CLUL1: variants seen among roughly 807,000 people sequenced by gnomAD.
CLUL1 encodes the protein clusterin-like protein 1.
Under a neutral mutation model 49.4 loss-of-function variants are expected in CLUL1, and 43 were observed. The ratio of observed to expected loss-of-function variants is 0.87; its 90% CI spans 0.68 to 1.12. The LOEUF (loss-of-function observed/expected upper bound fraction) is 1.12, where lower values mean the gene tolerates loss of function less well. CLUL1 is among the 50% of genes most tolerant of loss of function. CLUL1 has a pLI of 0.00. For missense variants in CLUL1, 486 were observed against 544.4 expected (o/e 0.89, Z 1.07); for synonymous variants, 192 against 184.9 (o/e 1.04, Z -0.31).
intron 1 of CLUL1, among the ~76,000 whole-genome samples, chr18:603,912 ACT>A (rs2072899198): frequency 6.6e-6 from 1 of 151,974 alleles, no homozygotes; most frequent in South Asian, 2.1e-4. Flanking sequence ...ACAGGATCTC[ACT>A]CTGTCACCCA....
chr18:645,711 G>A (rs1488988829), intron 9 of CLUL1, among the ~76,000 whole-genome samples: 5 of 145,660 alleles, frequency 3.4e-5, no homozygotes, highest in Admixed American at 1.4e-4. Flanking sequence ...GGAGAATGGC[G>A]TGAACCCGGG....
chr18:642,611 G>A (rs959868526), intron 8 of CLUL1, among the ~76,000 whole-genome samples: 1 of 152,146 alleles, frequency 6.6e-6, no homozygotes, highest in Admixed American at 6.5e-5. Flanking sequence ...TTCCTGATGA[G>A]GCTGGTTTTG....
chr18:637,971 A>AAAT (rs1038381676), intron 7 of CLUL1, among the ~76,000 whole-genome samples: 4 of 152,030 alleles, frequency 2.6e-5, no homozygotes, highest in South Asian at 2.1e-4. Context: ...TGTCTTGAAA[A>AAAT]AATAATAATA....
intron 7 of CLUL1, among the ~76,000 whole-genome samples, chr18:636,163 ACTT>A (rs2074131524): frequency 6.6e-6 from 1 of 152,218 alleles, no homozygotes; most frequent in African/African-American, 2.4e-5. Context: ...TTTTAAAAAT[ACTT>A]CTTTCTGTAT....
chr18:642,552 C>T (rs982474455), intron 8 of CLUL1, among the ~76,000 whole-genome samples: 1 of 152,248 alleles, frequency 6.6e-6, no homozygotes, highest in Non-Finnish European at 1.5e-5. Flanking sequence ...GACATCCCCC[C>T]TCCAACACAC....
intron 7 of CLUL1, among the ~76,000 whole-genome samples, chr18:634,287 GC>G (rs2074078046): frequency 6.6e-6 from 1 of 152,104 alleles, no homozygotes; most frequent in Non-Finnish European, 1.5e-5. Flanking sequence ...GTGCCACCAC[GC>G]CCGGCTAATT....
chr18:622,171 A>G (rs1850593758), intron 4 of CLUL1, among the ~76,000 whole-genome samples: 1 of 152,140 alleles, frequency 6.6e-6, no homozygotes, highest in Admixed American at 6.5e-5. Flanking sequence ...AGCCCCACCC[A>G]TTCTCAAGAG....
At chr18:614,872 C>T (rs897002006) in intron 2 of CLUL1, 1 of 152,214 alleles carries the variant, frequency 6.6e-6, no homozygotes, top group African/African-American at 2.4e-5. Context: ...AGTTGGAAGC[C>T]CAGAGGTTGT....
intron 9 of CLUL1, 153 bp downstream of exon 9, chr18:645,250 A>G: frequency 1.9e-6 from 1 of 530,248 alleles, no homozygotes; most frequent in Non-Finnish European, 3.1e-6. Context: ...TCTGCCTATC[A>G]GATTTGCAAA....
At chr18:628,645 T>C (rs1009929143) in intron 6 of CLUL1, among the ~76,000 whole-genome samples, 8 of 151,232 alleles carry the variant, frequency 5.3e-5, no homozygotes, top group African/African-American at 1.9e-4. Context: ...TTTTCTTTTT[T>C]TTTTTTTTTG....
At chr18:613,686 C>T (rs1251179313) in intron 2 of CLUL1, among the ~76,000 whole-genome samples, 2 of 151,882 alleles carry the variant, frequency 1.3e-5, no homozygotes, top group Non-Finnish European at 2.9e-5. Context: ...AACTCCTGAC[C>T]CAAGTGATGT....
intron 2 of CLUL1, among the ~76,000 whole-genome samples, chr18:615,147 C>A (rs1416278359): frequency 6.6e-6 from 1 of 152,150 alleles, no homozygotes; most frequent in Non-Finnish European, 1.5e-5. Context: ...CCCCTTAAAT[C>A]TTGAGCATAA....
At chr18:629,511 C>T (rs933579590) in intron 6 of CLUL1, among the ~76,000 whole-genome samples, 1 of 152,094 alleles carries the variant, frequency 6.6e-6, no homozygotes, top group Non-Finnish European at 1.5e-5. Context: ...CACTGTAACC[C>T]CCTCCCACAC....
intron 2 of CLUL1, among the ~76,000 whole-genome samples, chr18:614,328 A>AAAGG (rs1295650020): frequency 0.047 from 3,271 of 69,176 alleles, 131 homozygotes; most frequent in African/African-American, 0.1. Flanking sequence ...GGAGGGAAGG[A>AAAGG]AGGGAGGGAA....
intron 7 of CLUL1, among the ~76,000 whole-genome samples, chr18:633,948 A>G (rs986096539): frequency 6.6e-6 from 1 of 152,170 alleles, no homozygotes; most frequent in African/African-American, 2.4e-5. Flanking sequence ...ACATACTGAC[A>G]TACTGATTCT....
At chr18:625,836 G>A (rs973623204) in intron 5 of CLUL1, among the ~76,000 whole-genome samples, 2 of 149,954 alleles carry the variant, frequency 1.3e-5, no homozygotes, top group African/African-American at 2.5e-5. Flanking sequence ...AATTACAAAG[G>A]GAGCAACTAC....
chr18:642,039 C>T (rs975393525), intron 8 of CLUL1, among the ~76,000 whole-genome samples: 29 of 152,170 alleles, frequency 1.9e-4, no homozygotes, highest in African/African-American at 6.8e-4. Flanking sequence ...TTATACAAAA[C>T]AAGAGCTCTG....
chr18:649,674 G>C, intron 9 of CLUL1: 1 of 465,772 alleles, frequency 2.1e-6, no homozygotes, highest in East Asian at 3.4e-5. Context: ...CCATCTTAGA[G>C]GCTCAACAAC....
At chr18:646,497 G>GACACACACACAC (rs56076402) in intron 9 of CLUL1, among the ~76,000 whole-genome samples, 206 of 141,366 alleles carry the variant, frequency 1.5e-3, no homozygotes, top group Admixed American at 4.7e-3. Flanking sequence ...CAGATAGATA[G>GACACACACACAC]ACACACACAC....
Sources: allele counts gnomAD v4.1 joint callset (sites outside exome capture counted in the v4.1 genomes callset), GRCh38; gene constraint gnomAD v4.1.1; transcripts MANE v1.5; gene names NCBI Gene and HGNC (gene_info 2026-07-23, HGNC 2026-07-21).